LOXL3: variants seen among roughly 807,000 people sequenced by gnomAD.
LOXL3 encodes the protein lysyl oxidase like 3.
In LOXL3, 60 loss-of-function variants were observed where a neutral mutation model predicts 91.8. That is an observed-to-expected ratio of 0.65 (90% CI 0.53 to 0.81). The LOEUF (loss-of-function observed/expected upper bound fraction) is 0.81. LOXL3 is among the 30% of genes least tolerant of loss of function. The pLI is 0.00. For synonymous variants in LOXL3, 355 were observed against 387.6 expected, an observed-to-expected ratio of 0.92 and a Z score of 0.99; for missense variants, 874 against 1,000.4, an observed-to-expected ratio of 0.87 and a Z score of 1.70.
upstream of LOXL3, chr2:74,555,128 C>T: frequency 6.3e-7 from 1 of 1,594,668 alleles, no homozygotes; most frequent in Non-Finnish European, 8.6e-7. This position sits in a 1 kb window ranked among gnomAD's most constrained non-coding sequence, Gnocchi z 6.1. Context: ...GCCACTCCCT[C>T]TCGAGCACTC....
Position 74,549,803 on chromosome 2 carries a change from G to T in LOXL3, c.478-220C>A. 7.1e-7 allele frequency: 1 copy of T among 1,412,814 alleles called. No homozygotes were observed. Among genetic ancestry groups the T allele is most frequent in the East Asian group, 2.6e-5 (1 of 38,668 alleles). The allele number at this position is 1,412,814 out of a possible 1,614,324, so 87.5% of individuals were successfully genotyped here. The stretch of plus-strand genomic sequence containing the variant: ...TGCTGTGCTCCCAGAGAGGATTCAG[G>T]GCACTAGGAAGGAGGCCCTCCCTGT... On this transcript the variant is annotated intron_variant, in intron 3 of 13. Transcript: ENST00000264094. This position sits in a 1 kb window ranked among gnomAD's most constrained non-coding sequence, Gnocchi z 5.3.
intron 4 of LOXL3, among the ~76,000 whole-genome samples, chr2:74,543,217 G>A (rs957702504): frequency 6.6e-6 from 1 of 152,070 alleles, no homozygotes; most frequent in African/African-American, 2.4e-5. Context: ...GCTCTTTCTT[G>A]GTCTTCTCTG....
chr2:74,554,637 C>A (rs1041611954), upstream of LOXL3: 5 of 976,224 alleles, frequency 5.1e-6, no homozygotes, highest in South Asian at 1.6e-5. The surrounding 1 kb of genome is among the most constrained non-coding windows in gnomAD (Gnocchi z 4.9). Flanking sequence ...CGCGACCCCC[C>A]CAGCGGCTGC....
In LOXL3 at chr2:74,536,519, C is replaced by T. The variant is rs369857790; in HGVS notation, c.913-48G>A. On this transcript the variant is annotated intron_variant, in intron 5 of 13. Coordinates refer to ENST00000264094, the MANE Select transcript of LOXL3 (RefSeq NM_032603.5). The surrounding 1 kb of genome is among the most constrained non-coding windows in gnomAD (Gnocchi z 4.5). ...ACAGAGGCAAATGGCAACATCTGCA[C>T]GGAGGGCTAAGCAGACCTGGGAGAT... The T allele has an allele frequency of 2.0e-5, 31 of 1,571,962 alleles. No individual in the cohort carries two copies. Among genetic ancestry groups the T allele is most frequent in the Admixed American group, 1.1e-4 (6 of 55,720 alleles).
Position 74,535,157 on chromosome 2 carries a change from G to A in LOXL3, c.1579+135C>T, listed in dbSNP as rs375511200. 77 of 979,634 alleles carry A rather than the reference G, an allele frequency of 7.9e-5. No homozygotes were observed. Among genetic ancestry groups the A allele is most frequent in the South Asian group, 6.0e-4 (36 of 59,740 alleles). 60.7% of individuals were successfully genotyped at this position (979,634 alleles called of 1,614,324 possible). The stretch of plus-strand genomic sequence containing the variant: ...CTCCTAAAGTGCTGGGATTACAGGC[G>A]TGAGCCACTGCACCCGGCGAAACTG... On this transcript the variant is annotated intron_variant, in intron 9 of 13. Transcript: ENST00000264094. The surrounding 1 kb of genome is among the most constrained non-coding windows in gnomAD (Gnocchi z 4.2).
intron 4 of LOXL3, among the ~76,000 whole-genome samples, chr2:74,545,636 C>T (rs1309228880): frequency 1.3e-5 from 2 of 152,176 alleles, no homozygotes; most frequent in African/African-American, 4.8e-5. Context: ...CTGGGCAGCA[C>T]TGACTTAGCT....
In LOXL3 at chr2:74,552,382, C is replaced by T; in HGVS notation, c.253G>A (p.Glu85Lys). 1 of 1,612,994 alleles carries T rather than the reference C, an allele frequency of 6.2e-7. No homozygotes were observed. The highest frequency in any genetic ancestry group is 8.5e-7 in the Non-Finnish European group (1 of 1,179,086). Residue 85 changes from glutamate (E) to lysine (K), a missense_variant, in exon 2 of 14, where the codon GAG (glutamate) becomes AAG (lysine). Glu to Lys is a moderately conservative substitution (Grantham distance 56, BLOSUM62 1). Transcript: ENST00000264094. ...CCTGTGGCCTCTGTGAAGCCCAGCT[C>T]CCGGCAGAGGATGTGGGCAGCCTGC... ...TLQAAHILCRELGFTEATGWT... is the reference protein window; with the variant it reads ...TLQAAHILCRKLGFTEATGWT...
At chr2:74,553,986 CT>C (rs1180676007), upstream of LOXL3, 1 of 152,490 alleles carries the variant, frequency 6.6e-6, no homozygotes, top group Non-Finnish European at 1.5e-5. Context: ...CTGGACCCCC[CT>C]CTCTCCCCCT....
In LOXL3 at chr2:74,552,397, G is replaced by A. The variant is rs759757754; in HGVS notation, c.238C>T (p.His80Tyr). The change falls in exon 2 of 14, where the codon CAC becomes TAC. Residue 80 changes from histidine (H) to tyrosine (Y), a missense_variant. His to Tyr is a moderately conservative substitution (Grantham distance 83, BLOSUM62 2). Coordinates refer to ENST00000264094, the MANE Select transcript of LOXL3 (RefSeq NM_032603.5). ...AAGCCCAGCTCCCGGCAGAGGATGT[G>A]GGCAGCCTGCAGCGTGAAGTCATCA... is the stretch of plus-strand genomic sequence containing the variant. Reference protein sequence around the residue: ...CDDDFTLQAAHILCRELGFTE... With the variant: ...CDDDFTLQAAYILCRELGFTE... The A allele has an allele frequency of 3.7e-6, 6 of 1,613,546 alleles. No homozygotes were observed. In the South Asian group the frequency reaches 5.5e-5, roughly 15 times the overall value.
At chr2:74,552,287 G>C (rs200047289) in intron 2 of LOXL3, 35 bp downstream of exon 2, 130 of 1,568,008 alleles carry the variant, frequency 8.3e-5, no homozygotes, top group Non-Finnish European at 1.1e-4. Flanking sequence ...GCCACACATA[G>C]GAAATATCTA....
At chr2:74,554,684 G>T, upstream of LOXL3, 1 of 1,532,472 alleles carries the variant, frequency 6.5e-7, no homozygotes, top group South Asian at 1.2e-5. The surrounding 1 kb of genome is among the most constrained non-coding windows in gnomAD (Gnocchi z 4.9). Flanking sequence ...CTCCTCCAGG[G>T]AACCCGGCCC....
Position 74,549,730 on chromosome 2 carries a change from C to G in LOXL3, c.478-147G>C. On this transcript the variant is annotated intron_variant, in intron 3 of 13. Transcript: ENST00000264094. This position sits in a 1 kb window ranked among gnomAD's most constrained non-coding sequence, Gnocchi z 5.3. ...GGCGCTGAGAGAGCGGCCACGATGG[C>G]CGCAGTCCGCGGTGTGGACTCTCTT... 6.9e-7 allele frequency: 1 copy of G among 1,442,738 alleles called. No individual in the cohort carries two copies. The highest frequency in any genetic ancestry group is 2.5e-5 in the East Asian group (1 of 39,782). The allele number at this position is 1,442,738 out of a possible 1,614,324, so 89.4% of individuals were successfully genotyped here. A position where few individuals can be genotyped will look rare whatever the true frequency, so the allele number is the denominator to read the frequency against.
intron 4 of LOXL3, among the ~76,000 whole-genome samples, chr2:74,542,694 T>C (rs965047185): frequency 1.3e-5 from 2 of 151,810 alleles, no homozygotes; most frequent in African/African-American, 4.8e-5. Flanking sequence ...GGTGCAATCT[T>C]GGCTCACTGC....
upstream of LOXL3, chr2:74,555,086 C>CT (rs1446668361): frequency 5.3e-5 from 82 of 1,534,058 alleles, no homozygotes; most frequent in Admixed American, 7.0e-4. The surrounding 1 kb of genome is among the most constrained non-coding windows in gnomAD (Gnocchi z 6.1). Flanking sequence ...CCGCAACCTC[C>CT]TTCCCCGTCG....
intron 4 of LOXL3, among the ~76,000 whole-genome samples, chr2:74,537,304 G>GTCA (rs1676087587): frequency 6.6e-6 from 1 of 152,226 alleles, no homozygotes; most frequent in Non-Finnish European, 1.5e-5. Flanking sequence ...TGGAAGAAAT[G>GTCA]GCCAGGAGGG....
At chr2:74,548,101 C>T (rs969136039) in intron 4 of LOXL3, among the ~76,000 whole-genome samples, 7 of 152,208 alleles carry the variant, frequency 4.6e-5, no homozygotes, top group African/African-American at 1.4e-4. Context: ...AAGAGTTAGA[C>T]TTTGGTTTTA....
At chr2:74,537,250 C>A (rs1221606910) in intron 4 of LOXL3, among the ~76,000 whole-genome samples, 6 of 152,170 alleles carry the variant, frequency 3.9e-5, no homozygotes, top group Non-Finnish European at 7.3e-5. Flanking sequence ...CTAAAGGAGG[C>A]TGAGGCTAAG....
chr2:74,532,486 C>T lies in LOXL3; in HGVS notation c.*1120G>A. 2.8e-6 allele frequency: 2 copies of T among 726,712 alleles called. No homozygotes were observed. The highest frequency in any genetic ancestry group is 4.9e-6 in the Non-Finnish European group (2 of 406,040). The allele number at this position is 726,712 out of a possible 1,614,324, so 45.0% of individuals were successfully genotyped here. A position where few individuals can be genotyped will look rare whatever the true frequency, so the allele number is the denominator to read the frequency against. On this transcript the variant is annotated 3_prime_UTR_variant, in exon 14 of 14. Transcript: ENST00000264094. ...TTGCTAGAAGACAGAAAGTGAGTTGCCATTGTATTTTGTAGTACCTAGCCC... is the reference window on the plus strand; with the variant it reads ...TTGCTAGAAGACAGAAAGTGAGTTGTCATTGTATTTTGTAGTACCTAGCCC...
chr2:74,553,342 C>T (rs558100529), intron 1 of LOXL3, among the ~76,000 whole-genome samples: 8 of 152,330 alleles, frequency 5.3e-5, no homozygotes, highest in African/African-American at 1.9e-4. Flanking sequence ...CTGCTGCACG[C>T]CCTCCCCAAC....
Sources: gnomAD v4.1 joint callset for allele counts (sites outside exome capture counted in the v4.1 genomes callset) on GRCh38, gnomAD v4.1.1 for gene constraint, Gnocchi (gnomAD v3.1) non-coding constraint, MANE v1.5 for transcripts, NCBI Gene and HGNC (gene_info 2026-07-23, HGNC 2026-07-21) for gene names.